The following PTPRM variants were observed in gnomAD, a reference collection of about 807,000 sequenced individuals.
PTPRM encodes the protein protein tyrosine phosphatase receptor type M.
PTPRM carries 47 observed loss-of-function variants against 186.7 expected under a neutral mutation model. The ratio of observed to expected loss-of-function variants is 0.25; its 90% CI spans 0.20 to 0.32. The LOEUF (loss-of-function observed/expected upper bound fraction) is 0.32. Among genes scored for constraint, PTPRM ranks in the 10% least tolerant of loss-of-function variants. PTPRM has a pLI of 1.00. For missense variants in PTPRM, 1,494 were observed against 1,865.0 expected (o/e 0.80, Z 3.66); for synonymous variants, 668 against 674.9 (o/e 0.99, Z 0.16).
chr18:8,138,700 G>A (rs1372075067), intron 13 of PTPRM, among the ~76,000 whole-genome samples: 3 of 152,046 alleles, frequency 2.0e-5, no homozygotes, highest in African/African-American at 4.8e-5. Context: ...ATCAGCCCTC[G>A]TGGTTCTGCG....
chr18:7,964,061 G>C (rs946870269), intron 7 of PTPRM, among the ~76,000 whole-genome samples: 3 of 151,928 alleles, frequency 2.0e-5, no homozygotes, highest in African/African-American at 7.3e-5. Flanking sequence ...TATTGATGAT[G>C]ACATGATTAA....
At chr18:8,267,725 T>C (rs190332137) in intron 19 of PTPRM, among the ~76,000 whole-genome samples, 8 of 152,338 alleles carry the variant, frequency 5.3e-5, no homozygotes, top group African/African-American at 1.9e-4. Context: ...CCTGTTTTCA[T>C]GAAGGTTGCA....
At chr18:8,255,944 A>G (rs774327605) in intron 19 of PTPRM, among the ~76,000 whole-genome samples, 10 of 152,234 alleles carry the variant, frequency 6.6e-5, no homozygotes, top group Non-Finnish European at 1.3e-4. Context: ...AGGCACAGCC[A>G]GGCTTCTGGG....
At chr18:7,993,992 C>A (rs2083398710) in intron 7 of PTPRM, among the ~76,000 whole-genome samples, 1 of 151,926 alleles carries the variant, frequency 6.6e-6, no homozygotes, top group African/African-American at 2.4e-5. Context: ...CAGTTTAAAT[C>A]TCCCAGTTAA....
At chr18:7,884,355 CAG>C (rs535847063) in intron 2 of PTPRM, among the ~76,000 whole-genome samples, 43 of 152,256 alleles carry the variant, frequency 2.8e-4, no homozygotes, top group African/African-American at 9.6e-4. Flanking sequence ...GGGAATCTCA[CAG>C]AGGAGTGTAC....
intron 30 of PTPRM, 116 bp downstream of exon 30, chr18:8,384,802 G>A (rs2095761179): frequency 9.0e-6 from 12 of 1,334,996 alleles, no homozygotes; most frequent in African/African-American, 4.4e-5. Flanking sequence ...GAGTATGTCA[G>A]TGAACCAAAA....
At chr18:7,790,886 T>C (rs1287207458) in intron 2 of PTPRM, among the ~76,000 whole-genome samples, 1 of 151,930 alleles carries the variant, frequency 6.6e-6, no homozygotes, top group Non-Finnish European at 1.5e-5. Context: ...TAACTCTTAA[T>C]AATTGAAAAT....
chr18:8,221,275 T>A (rs965069172), intron 14 of PTPRM, among the ~76,000 whole-genome samples: 2 of 152,138 alleles, frequency 1.3e-5, no homozygotes, highest in African/African-American at 2.4e-5. Context: ...GCTGTGGGGG[T>A]TGGTTTCACA....
chr18:8,136,640 A>G (rs537357837), intron 13 of PTPRM, among the ~76,000 whole-genome samples: 16 of 152,252 alleles, frequency 1.1e-4, no homozygotes, highest in Non-Finnish European at 2.1e-4. Flanking sequence ...AAGCATAATC[A>G]GGTTACAAAG....
intron 7 of PTPRM, among the ~76,000 whole-genome samples, chr18:7,984,342 G>C (rs1363027567): frequency 6.6e-6 from 1 of 151,592 alleles, no homozygotes; most frequent in Non-Finnish European, 1.5e-5. Context: ...GAGGTTAAAT[G>C]GTATTCAGAG....
intron 7 of PTPRM, among the ~76,000 whole-genome samples, chr18:8,009,687 G>C (rs1951953278): frequency 6.6e-6 from 1 of 152,006 alleles, no homozygotes; most frequent in Non-Finnish European, 1.5e-5. Context: ...CAGCCTGGGG[G>C]ACAGAGCAAG....
At chr18:7,620,165 G>A (rs927282639) in intron 1 of PTPRM, among the ~76,000 whole-genome samples, 1 of 152,180 alleles carries the variant, frequency 6.6e-6, no homozygotes, top group Non-Finnish European at 1.5e-5. Context: ...TGGTGATGTG[G>A]TGGACAGGAG....
chr18:7,579,471 C>A (rs2036786763), intron 1 of PTPRM, among the ~76,000 whole-genome samples: 1 of 152,184 alleles, frequency 6.6e-6, no homozygotes, highest in Non-Finnish European at 1.5e-5. Flanking sequence ...TTTTACATAG[C>A]AAACTATAAT....
chr18:8,098,140 G>C (rs561613), intron 11 of PTPRM, among the ~76,000 whole-genome samples: 88,191 of 151,856 alleles, frequency 0.58, 25,816 homozygotes, highest in Non-Finnish European at 0.63. Flanking sequence ...TAAGTGCACC[G>C]TATGATGTTT....
chr18:8,004,328 G>A (rs2088305886), intron 7 of PTPRM, among the ~76,000 whole-genome samples: 1 of 152,078 alleles, frequency 6.6e-6, no homozygotes, highest in Non-Finnish European at 1.5e-5. Flanking sequence ...TATGTAAATT[G>A]TGTGTGTGTG....
chr18:7,587,669 T>C (rs1412818475), intron 1 of PTPRM, among the ~76,000 whole-genome samples: 1 of 152,128 alleles, frequency 6.6e-6, no homozygotes, highest in Non-Finnish European at 1.5e-5. Flanking sequence ...AAGAAGTCAT[T>C]GGGAAAACAA....
chr18:7,806,381 C>T (rs1285566961), intron 2 of PTPRM, among the ~76,000 whole-genome samples: 1 of 152,072 alleles, frequency 6.6e-6, no homozygotes, highest in African/African-American at 2.4e-5. Context: ...TGGGTGATAG[C>T]TAGTCAGCAG....
At chr18:8,070,047 A>G (rs780701727) in intron 8 of PTPRM, 53 bp downstream of exon 8, 25 of 1,500,632 alleles carry the variant, frequency 1.7e-5, no homozygotes, top group Middle Eastern at 1.9e-4. Flanking sequence ...TCAAAAAACA[A>G]CTTTTGTTTC....
chr18:8,368,065 C>T (rs755292055), intron 23 of PTPRM, among the ~76,000 whole-genome samples: 18 of 151,868 alleles, frequency 1.2e-4, no homozygotes, highest in Admixed American at 7.2e-4. Flanking sequence ...ATTTATTCAT[C>T]AATAATTATT....
Sources: gnomAD v4.1 joint callset for allele counts (sites outside exome capture counted in the v4.1 genomes callset) on GRCh38, gnomAD v4.1.1 for gene constraint, MANE v1.5 for transcripts, NCBI Gene and HGNC (gene_info 2026-07-23, HGNC 2026-07-21) for gene names.